The following GRIK4 variants were observed in gnomAD, a reference collection of about 807,000 sequenced individuals.
GRIK4 encodes glutamate ionotropic receptor kainate type subunit 4, also known as glutamate receptor ionotropic, kainate 4.
GRIK4 carries 40 observed loss-of-function variants against 104.9 expected under a neutral mutation model. The ratio of observed to expected loss-of-function variants is 0.38; its 90% confidence interval spans 0.30 to 0.50. The LOEUF (loss-of-function observed/expected upper bound fraction) is 0.50, where lower values mean the gene tolerates loss of function less well. Ranked by LOEUF, GRIK4 falls within the 20% of genes least tolerant of loss-of-function variation. The pLI is 0.93. For synonymous variants in GRIK4, 485 were observed against 524.9 expected (o/e 0.92, Z 1.04); for missense variants, 1,047 against 1,308.1 (o/e 0.80, Z 3.08).
intron 1 of GRIK4, among the ~76,000 whole-genome samples, chr11:120,609,884 G>A (rs1024697681): frequency 1.3e-5 from 2 of 151,924 alleles, no homozygotes; most frequent in Admixed American, 6.6e-5. Flanking sequence ...TCTACACTTG[G>A]TTTTCCTGTC....
chr11:120,598,938 C>T (rs753517124), intron 1 of GRIK4, among the ~76,000 whole-genome samples: 1 of 152,208 alleles, frequency 6.6e-6, no homozygotes, highest in East Asian at 1.9e-4. Context: ...GGATAATGGA[C>T]TCCTTCTCTT....
At chr11:120,547,292 C>A (rs1403249447) in intron 1 of GRIK4, among the ~76,000 whole-genome samples, 3 of 152,218 alleles carry the variant, frequency 2.0e-5, no homozygotes, top group Non-Finnish European at 4.4e-5. Context: ...AGATTTTGAG[C>A]TCCCAAAGGC....
intron 13 of GRIK4, among the ~76,000 whole-genome samples, chr11:120,925,723 G>A (rs1211591983): frequency 6.6e-6 from 1 of 152,150 alleles, no homozygotes; most frequent in Non-Finnish European, 1.5e-5. Flanking sequence ...TGTAATCCCA[G>A]TACTTTGGGA....
intron 3 of GRIK4, among the ~76,000 whole-genome samples, chr11:120,760,678 G>A (rs924926583): frequency 6.6e-6 from 1 of 151,970 alleles, no homozygotes; most frequent in Non-Finnish European, 1.5e-5. Flanking sequence ...TCCCACTTAT[G>A]AGTGAGAACA....
At chr11:120,924,279 CGT>C (rs575124164) in intron 13 of GRIK4, among the ~76,000 whole-genome samples, 123 of 152,198 alleles carry the variant, frequency 8.1e-4, no homozygotes, top group African/African-American at 2.8e-3. Flanking sequence ...GGCTCCCTTG[CGT>C]GTGTGAGGTC....
intron 13 of GRIK4, among the ~76,000 whole-genome samples, chr11:120,909,062 T>C (rs567802530): frequency 6.6e-6 from 1 of 152,198 alleles, no homozygotes; most frequent in Non-Finnish European, 1.5e-5. Flanking sequence ...GGTGAGGCAA[T>C]ACAAAGGTCA....
intron 3 of GRIK4, among the ~76,000 whole-genome samples, chr11:120,760,823 C>A (rs1047885187): frequency 3.3e-5 from 5 of 152,200 alleles, no homozygotes; most frequent in African/African-American, 9.6e-5. Flanking sequence ...ATATGTGCCA[C>A]ATTTTTTTTT....
chr11:120,947,262 C>A (rs1943882667), intron 14 of GRIK4, among the ~76,000 whole-genome samples: 1 of 152,018 alleles, frequency 6.6e-6, no homozygotes, highest in African/African-American at 2.4e-5. Context: ...ATTAGCCGGG[C>A]ATGGTGGCAC....
At chr11:120,682,688 G>A (rs574111872) in intron 3 of GRIK4, among the ~76,000 whole-genome samples, 1 of 151,116 alleles carries the variant, frequency 6.6e-6, no homozygotes, top group Admixed American at 6.6e-5. Flanking sequence ...GCCCGACACA[G>A]TTTCCATCTT....
At chr11:120,749,361 G>A (rs537680858) in intron 3 of GRIK4, among the ~76,000 whole-genome samples, 1 of 152,320 alleles carries the variant, frequency 6.6e-6, no homozygotes, top group Admixed American at 6.5e-5. Flanking sequence ...CCATGGGCAG[G>A]TGTCGGGAGA....
chr11:120,860,825 C>T (rs867204623), intron 8 of GRIK4, among the ~76,000 whole-genome samples: 1 of 152,194 alleles, frequency 6.6e-6, no homozygotes, highest in South Asian at 2.1e-4. Context: ...TTTTGGCATT[C>T]CTCCACTGAC....
In GRIK4 at chr11:120,956,164, C is replaced by T. The variant is rs1432440704; in HGVS notation, c.1701-616C>T. On this transcript the variant is annotated intron_variant, in intron 15 of 20. Transcript: ENST00000527524. This position sits in a 1 kb window ranked among gnomAD's most constrained non-coding sequence, Gnocchi z 4.6. ...AGAACAAGCGGCTTCCCAGGCTGTC[C>T]ACCTCTTGACACTCCTAGCCTCAGG... Among the ~76,000 whole-genome samples the T allele has an allele frequency of 1.3e-5, 2 of 152,006 alleles. No homozygotes were observed. The highest frequency in any genetic ancestry group is 3.9e-4 in the East Asian group (2 of 5,164).
intron 1 of GRIK4, among the ~76,000 whole-genome samples, chr11:120,550,234 C>T (rs1355054532): frequency 6.6e-6 from 1 of 151,562 alleles, no homozygotes; most frequent in Non-Finnish European, 1.5e-5. Flanking sequence ...ACTTGGCATC[C>T]CAGGTTGCTG....
chr11:120,905,440 G>A lies in GRIK4; in HGVS notation c.1423G>A (p.Val475Ile), dbSNP rs199635994. The change falls in exon 13 of 21, where the codon GTT becomes ATT. Residue 475 changes from valine (V) to isoleucine (I), a missense_variant. Around this residue, in one of 3 missense-constraint regions of GRIK4, gnomAD observed 440 missense variants for 652.3 expected, o/e 0.67. Coordinates refer to ENST00000527524, the MANE Select transcript of GRIK4 (RefSeq NM_014619.5). The surrounding 1 kb of genome is among the most constrained non-coding windows in gnomAD (Gnocchi z 5.1). ...CCTGGTTGGGGATGGCGTGTACGGC[G>A]TTCCCGAGGCCAACGGCACCTGGAC... ...IRLVGDGVYGVPEANGTWTGM... is the reference protein window; with the variant it reads ...IRLVGDGVYGIPEANGTWTGM... 3.7e-5 allele frequency: 59 copies of A among 1,602,610 alleles called. No homozygotes were observed. The highest frequency in any genetic ancestry group is 1.7e-4 in the Middle Eastern group (1 of 6,026).
At position 120,836,800 on chromosome 11, in the gene GRIK4, C is replaced by G; in HGVS notation, c.700C>G (p.Leu234Val). ...SHTILLKAAE[L>V]GMVSAYYTYI... Reference sequence around the variant, plus strand: ...TCTCTTCGCCTTGCAGGCAGCCGAACTTGGGATGGTGTCAGCCTATTACAC... The same window carrying G: ...TCTCTTCGCCTTGCAGGCAGCCGAAGTTGGGATGGTGTCAGCCTATTACAC... Residue 234 changes from leucine to valine, a missense_variant, in exon 8 of 21, where the codon CTT (leucine) becomes GTT (valine). Physicochemically the swap from Leu to Val is conservative, Grantham distance 32 (BLOSUM62 1). Transcript: ENST00000527524. 1 of 1,607,312 alleles carries G rather than the reference C, an allele frequency of 6.2e-7. No homozygotes were observed. Among genetic ancestry groups the G allele is most frequent in the South Asian group, 1.1e-5 (1 of 90,954 alleles).
rs1944151208 is a variant in GRIK4 at position 120,956,428 on chromosome 11, T to A, written c.1701-352T>A. ...CTGTGTTGCCCAGGCTGGTCTCGAA[T>A]CCCTGGACTCAAGCAATCCACCCGC... is the stretch of plus-strand genomic sequence containing the variant. On this transcript the variant is annotated intron_variant, in intron 15 of 20. Coordinates refer to ENST00000527524, the MANE Select transcript of GRIK4 (RefSeq NM_014619.5). The surrounding 1 kb of genome is among the most constrained non-coding windows in gnomAD (Gnocchi z 4.6). Among the ~76,000 whole-genome samples the A allele has an allele frequency of 6.6e-6, 1 of 151,938 alleles. No homozygotes were observed.
chr11:120,920,020 G>C (rs1393440498), intron 13 of GRIK4, among the ~76,000 whole-genome samples: 1 of 152,096 alleles, frequency 6.6e-6, no homozygotes, highest in African/African-American at 2.4e-5. Flanking sequence ...TTTGGAAGTT[G>C]TCAGCATACA....
intron 3 of GRIK4, among the ~76,000 whole-genome samples, chr11:120,764,500 T>A (rs918875676): frequency 6.6e-6 from 1 of 152,234 alleles, no homozygotes; most frequent in African/African-American, 2.4e-5. Context: ...TGCTAGCTGG[T>A]TATTTTGCCC....
chr11:120,547,487 C>T (rs148656916), intron 1 of GRIK4, among the ~76,000 whole-genome samples: 8 of 152,162 alleles, frequency 5.3e-5, no homozygotes, highest in South Asian at 2.1e-4. Flanking sequence ...AAAATCTCAC[C>T]GACACCTTCA....
Sources: allele counts gnomAD v4.1 joint callset (sites outside exome capture counted in the v4.1 genomes callset), GRCh38; gene constraint gnomAD v4.1.1; regional missense constraint gnomAD v4.1.1; non-coding constraint Gnocchi (gnomAD v3.1); transcripts MANE v1.5; gene names NCBI Gene and HGNC (gene_info 2026-07-23, HGNC 2026-07-21).